The following MAP3K1 variants were observed in gnomAD, a reference collection of about 807,000 sequenced individuals.
MAP3K1 encodes the protein mitogen-activated protein kinase kinase kinase 1.
Under a neutral mutation model 144.2 loss-of-function variants are expected in MAP3K1, and 36 were observed. The observed-to-expected ratio is 0.25, with a 90% CI of 0.19 to 0.33. The LOEUF (loss-of-function observed/expected upper bound fraction) is 0.33, where lower values mean the gene tolerates loss of function less well. MAP3K1 is among the 10% of genes least tolerant of loss of function. The probability of loss-of-function intolerance (pLI) is 1.00; values close to 1 mark genes in which losing one functional copy is unlikely to be tolerated. For synonymous variants in MAP3K1, 718 were observed against 688.7 expected, an observed-to-expected ratio of 1.04 and a Z score of -0.67; for missense variants, 1,650 against 1,881.9, an observed-to-expected ratio of 0.88 and a Z score of 2.28.
At chr5:56,828,113 A>G (rs1310913371) in intron 1 of MAP3K1, among the ~76,000 whole-genome samples, 1 of 152,202 alleles carries the variant, frequency 6.6e-6, no homozygotes, top group Non-Finnish European at 1.5e-5. Context: ...GCCTCCCCCA[A>G]GGTTGCTGTG....
intron 6 of MAP3K1, among the ~76,000 whole-genome samples, chr5:56,867,460 A>T (rs1287891862): frequency 6.6e-6 from 1 of 152,220 alleles, no homozygotes; most frequent in East Asian, 1.9e-4. Context: ...AGGATAAACA[A>T]ATTTAAAATT....
At chr5:56,885,148 T>C (rs1377702712) in intron 16 of MAP3K1, among the ~76,000 whole-genome samples, 1 of 152,176 alleles carries the variant, frequency 6.6e-6, no homozygotes, top group Non-Finnish European at 1.5e-5. Context: ...TGAGGAAGTG[T>C]TTTAACATAA....
rs1171431699 is a variant in MAP3K1, at chr5:56,865,048, G to C, written c.1035+114G>C. Reference sequence around the variant, plus strand: ...CAATTAATTCCCTATAGTAAACAAAGTTAAACTTAAAATGTATTTTAGGCT... The same window carrying C: ...CAATTAATTCCCTATAGTAAACAAACTTAAACTTAAAATGTATTTTAGGCT... On this transcript the variant is annotated intron_variant, in intron 4 of 19. Coordinates refer to ENST00000399503, the MANE Select transcript of MAP3K1 (RefSeq NM_005921.2). 5 of 1,027,396 alleles carry C rather than the reference G, an allele frequency of 4.9e-6. No homozygotes were observed. In the East Asian group the frequency reaches 1.0e-4, roughly 21 times the overall value. The allele number at this position is 1,027,396 out of a possible 1,614,324, so 63.6% of individuals were successfully genotyped here.
chr5:56,822,057 G>T (rs1055130507), intron 1 of MAP3K1, among the ~76,000 whole-genome samples: 4 of 152,238 alleles, frequency 2.6e-5, no homozygotes, highest in African/African-American at 9.6e-5. Flanking sequence ...GTCTTGCTCT[G>T]TTGCCCAGGC....
chr5:56,856,786 A>G, intron 2 of MAP3K1, 36 bp downstream of exon 2: 3 of 1,610,242 alleles, frequency 1.9e-6, no homozygotes, highest in Non-Finnish European at 2.5e-6. Flanking sequence ...TAAGGAAGAA[A>G]GCATAGGAGG....
At chr5:56,857,089 C>T (rs1012301982) in intron 2 of MAP3K1, among the ~76,000 whole-genome samples, 1 of 151,996 alleles carries the variant, frequency 6.6e-6, no homozygotes, top group Non-Finnish European at 1.5e-5. Context: ...GATGTTTTAT[C>T]TCTAAGACAG....
At chr5:56,839,599 G>A (rs1245586878) in intron 1 of MAP3K1, among the ~76,000 whole-genome samples, 1 of 152,108 alleles carries the variant, frequency 6.6e-6, no homozygotes, top group Admixed American at 6.5e-5. Context: ...TTGCTAAAAA[G>A]TTGATGAGGA....
At chr5:56,890,930 A>T (rs1434746056) in intron 19 of MAP3K1, among the ~76,000 whole-genome samples, 1 of 151,722 alleles carries the variant, frequency 6.6e-6, no homozygotes, top group African/African-American at 2.4e-5. Context: ...CCTGTGCTCC[A>T]GGGTACTCAG....
At position 56,882,015 on chromosome 5, in the gene MAP3K1, TCTAGTTCAA is replaced by T. The variant is rs1561199803; in HGVS notation, c.2817_2825del (p.Ser940_Thr942del). On this transcript the variant is annotated inframe_deletion, in exon 14 of 20. Coordinates refer to ENST00000399503, the MANE Select transcript of MAP3K1 (RefSeq NM_005921.2). Reference sequence around the variant, plus strand: ...ACTGGCCAGCATTTCAGTAGGACCTTCTAGTTCAACAACAACAACAACAACAACAACAGA... The same window carrying T: ...ACTGGCCAGCATTTCAGTAGGACCTTCAACAACAACAACAACAACAACAGA... The T allele has an allele frequency of 3.2e-6, 5 of 1,548,586 alleles. No homozygotes were observed. The Admixed American group carries it at 5.5e-5, about 17-fold the overall frequency.
chr5:56,888,470 A>G, intron 19 of MAP3K1, 113 bp downstream of exon 19: 1 of 905,128 alleles, frequency 1.1e-6, no homozygotes, highest in East Asian at 2.6e-5. Context: ...GTAAATAAAT[A>G]GTCTGTATAT....
intron 2 of MAP3K1, among the ~76,000 whole-genome samples, chr5:56,857,625 T>C (rs1747380725): frequency 1.3e-5 from 2 of 152,224 alleles, no homozygotes; most frequent in African/African-American, 4.8e-5. Context: ...TAATTAGATG[T>C]AAATAAAAGT....
chr5:56,882,969 G>A (rs1561201018), intron 14 of MAP3K1, 103 bp downstream of exon 14: 1 of 920,946 alleles, frequency 1.1e-6, no homozygotes, highest in East Asian at 2.6e-5. Context: ...CCGAAGGATT[G>A]CTTGAGCACA....
chr5:56,844,183 GTTTTTTTTTTT>G (rs770169813), intron 1 of MAP3K1, among the ~76,000 whole-genome samples: 8 of 76,092 alleles, frequency 1.1e-4, no homozygotes, highest in Non-Finnish European at 1.4e-4. Flanking sequence ...GTTTTTTTTG[GTTTTTTTTTTT>G]TTTTTTTTTT....
intron 1 of MAP3K1, among the ~76,000 whole-genome samples, chr5:56,848,499 C>T (rs531659684): frequency 6.6e-5 from 10 of 152,234 alleles, no homozygotes; most frequent in Non-Finnish European, 1.5e-4. Context: ...GTGCTTTGTT[C>T]CTAGCTGCAG....
At chr5:56,875,005 T>C (rs968306271) in intron 9 of MAP3K1, 27 bp from the exon 10 acceptor site, 1 of 1,613,500 alleles carries the variant, frequency 6.2e-7, no homozygotes, top group Admixed American at 1.7e-5. Context: ...TTCTTTACAT[T>C]GAATTCATCG....
chr5:56,876,313 T>C (rs1748027617), intron 10 of MAP3K1, among the ~76,000 whole-genome samples: 1 of 151,636 alleles, frequency 6.6e-6, no homozygotes, highest in African/African-American at 2.4e-5. Flanking sequence ...CTCCAGGCAT[T>C]GCCAAATGTC....
chr5:56,882,021 TCAA>T lies in MAP3K1; in HGVS notation c.2845_2847del (p.Thr949del), dbSNP rs5868032. On this transcript the variant is annotated inframe_deletion, in exon 14 of 20. Transcript: ENST00000399503. ...CAGCATTTCAGTAGGACCTTCTAGT[TCAA>T]CAACAACAACAACAACAACAACAGA... 1,209,844 of 1,571,420 alleles carry T rather than the reference TCAA, an allele frequency of 0.77. 459,174 individuals carry two copies. Among genetic ancestry groups the T allele is most frequent in the Non-Finnish European group, 0.79 (906,116 of 1,145,434 alleles).
At chr5:56,873,206 C>A (rs1179672004) in intron 9 of MAP3K1, among the ~76,000 whole-genome samples, 1 of 152,154 alleles carries the variant, frequency 6.6e-6, no homozygotes, top group Non-Finnish European at 1.5e-5. Context: ...TTCAAAACTT[C>A]TTGTGGTTTC....
rs990146857 is a variant in MAP3K1 at position 56,879,516 on chromosome 5, A to C, written c.2087+415A>C. 4.6e-5 allele frequency among the ~76,000 whole-genome samples: 7 copies of C among 152,066 alleles called. 1 individual carries two copies. The highest frequency in any genetic ancestry group is 1.7e-4 in the African/African-American group (7 of 41,370). On this transcript the variant is annotated intron_variant, in intron 11 of 19. Coordinates refer to ENST00000399503, the MANE Select transcript of MAP3K1 (RefSeq NM_005921.2). ...ATCAGGATAAAAAATTAACAAATCC[A>C]TCTCATTTTCAGTGTAGTGGAATTT... is the stretch of plus-strand genomic sequence containing the variant.
Sources: allele counts gnomAD v4.1 joint callset (sites outside exome capture counted in the v4.1 genomes callset), GRCh38; gene constraint gnomAD v4.1.1; transcripts MANE v1.5; gene names NCBI Gene and HGNC (gene_info 2026-07-23, HGNC 2026-07-21).